TRAPPC9: variants seen among roughly 807,000 people sequenced by gnomAD.
TRAPPC9 encodes IKK2 binding protein.
Under a neutral mutation model 124.0 loss-of-function variants are expected in TRAPPC9, and 83 were observed. That is an observed-to-expected ratio of 0.67 (90% CI 0.56 to 0.80). The LOEUF (loss-of-function observed/expected upper bound fraction) is 0.80, where lower values mean the gene tolerates loss of function less well. Ranked by LOEUF, TRAPPC9 falls within the 30% of genes least tolerant of loss-of-function variation. TRAPPC9 has a pLI of 0.00. For synonymous variants in TRAPPC9, 638 were observed against 617.5 expected (o/e 1.03, Z -0.49); for missense variants, 1,302 against 1,508.3 (o/e 0.86, Z 2.27).
intron 17 of TRAPPC9, among the ~76,000 whole-genome samples, chr8:140,201,135 G>C (rs1051267071): frequency 6.6e-6 from 1 of 152,172 alleles, no homozygotes; most frequent in Non-Finnish European, 1.5e-5. Context: ...GAGGCAAGTG[G>C]ACAGCCAGGC....
At chr8:139,979,747 G>A (rs1375512502) in intron 19 of TRAPPC9, among the ~76,000 whole-genome samples, 1 of 152,122 alleles carries the variant, frequency 6.6e-6, no homozygotes, top group African/African-American at 2.4e-5. Context: ...CAAGGCTGGG[G>A]AACCAAGAGA....
At chr8:139,884,336 G>C (rs1179353876) in intron 21 of TRAPPC9, among the ~76,000 whole-genome samples, 1 of 152,120 alleles carries the variant, frequency 6.6e-6, no homozygotes, top group Non-Finnish European at 1.5e-5. Flanking sequence ...CCCAAACAAA[G>C]GCCCCCAAGC....
At chr8:140,129,838 G>A (rs2061172217) in intron 17 of TRAPPC9, among the ~76,000 whole-genome samples, 1 of 152,206 alleles carries the variant, frequency 6.6e-6, no homozygotes, top group Non-Finnish European at 1.5e-5. Context: ...TAGACGAATA[G>A]AAATGTAAAT....
intron 19 of TRAPPC9, among the ~76,000 whole-genome samples, chr8:139,934,280 CAGAGAGAG>C (rs34430255): frequency 6.7e-6 from 1 of 148,796 alleles, no homozygotes; most frequent in Admixed American, 6.7e-5. Context: ...CAAGTCCAGT[CAGAGAGAG>C]AGAGAGAGAG....
chr8:139,759,072 G>A (rs1798728763), intron 21 of TRAPPC9, among the ~76,000 whole-genome samples: 1 of 151,836 alleles, frequency 6.6e-6, no homozygotes, highest in South Asian at 2.1e-4. Flanking sequence ...CAACTGGTGA[G>A]TGGGCCGGGT....
intron 21 of TRAPPC9, among the ~76,000 whole-genome samples, chr8:139,853,410 C>T (rs930905871): frequency 6.6e-6 from 1 of 152,192 alleles, no homozygotes; most frequent in Admixed American, 6.5e-5. Context: ...ATGACTCCCC[C>T]ATCTTATTCA....
Position 140,257,361 on chromosome 8 carries a change from C to T in TRAPPC9, c.2279-4432G>A, listed in dbSNP as rs1221445909. ...GCAGCAGTGCTGGCACTGGCCTGGG[C>T]CTCTTCTGCGCTGAGCCAACCTGTC... On this transcript the variant is annotated intron_variant, in intron 15 of 22. Transcript: ENST00000438773. The surrounding 1 kb of genome is among the most constrained non-coding windows in gnomAD (Gnocchi z 4.6). Among the ~76,000 whole-genome samples the T allele has an allele frequency of 6.6e-6, 1 of 152,202 alleles. No homozygotes were observed.
At chr8:140,141,378 C>T (rs1280874243) in intron 17 of TRAPPC9, among the ~76,000 whole-genome samples, 1 of 152,210 alleles carries the variant, frequency 6.6e-6, no homozygotes, top group African/African-American at 2.4e-5. Flanking sequence ...ACTCTCGACC[C>T]ATCAGTCACT....
chr8:140,214,091 G>A lies in TRAPPC9; in HGVS notation c.2556+7368C>T, dbSNP rs1407932460. On this transcript the variant is annotated intron_variant, in intron 17 of 22. Transcript: ENST00000438773. ...GCCATGGGTACCTCTAGTGCCACAC[G>A]GCACACAGTCCAACTCAGGGAAAAG... Among the ~76,000 whole-genome samples, 4 of 152,330 alleles carry A rather than the reference G, an allele frequency of 2.6e-5. No homozygotes were observed. The East Asian group carries it at 7.7e-4, about 29-fold the overall frequency.
In TRAPPC9 at chr8:140,421,357, G is replaced by A. The variant is rs112399106; in HGVS notation, c.886+5258C>T. Among the ~76,000 whole-genome samples the A allele has an allele frequency of 8.5e-4, 130 of 152,190 alleles. 1 individual carries two copies. Among genetic ancestry groups the A allele is most frequent in the Middle Eastern group, 6.8e-3 (2 of 294 alleles). On this transcript the variant is annotated intron_variant, in intron 5 of 22. Transcript: ENST00000438773. The stretch of plus-strand genomic sequence containing the variant: ...GCCAGAATATTTTAAATTATGACAG[G>A]TAATCAATATTACATGACTTGTCAA...
chr8:140,327,244 A>G (rs1040430010), intron 9 of TRAPPC9, among the ~76,000 whole-genome samples: 2 of 151,198 alleles, frequency 1.3e-5, no homozygotes, highest in Non-Finnish European at 3.0e-5. Context: ...CAGGACATCT[A>G]AAAAAAAAGA....
intron 21 of TRAPPC9, among the ~76,000 whole-genome samples, chr8:139,735,658 G>GTT (rs112374981): frequency 6.1e-5 from 9 of 147,522 alleles, no homozygotes; most frequent in East Asian, 2.0e-4. Context: ...ACCCTGCCCT[G>GTT]TTTTTTTTTT....
intron 18 of TRAPPC9, among the ~76,000 whole-genome samples, chr8:140,000,055 C>G (rs1402020645): frequency 6.6e-6 from 1 of 152,112 alleles, no homozygotes; most frequent in African/African-American, 2.4e-5. Context: ...TGGAACAGAA[C>G]AGAGGCCTCA....
intron 21 of TRAPPC9, among the ~76,000 whole-genome samples, chr8:139,764,837 T>C (rs778391181): frequency 1.3e-5 from 2 of 152,134 alleles, no homozygotes; most frequent in Non-Finnish European, 2.9e-5. Context: ...TGCAGATGTG[T>C]TGGGGAAAGA....
At chr8:139,929,639 T>C (rs1833010817) in intron 19 of TRAPPC9, among the ~76,000 whole-genome samples, 1 of 152,272 alleles carries the variant, frequency 6.6e-6, no homozygotes. Context: ...CAGGCTTCCA[T>C]GGTCTTCCAG....
At chr8:139,990,887 A>G (rs1385963126) in intron 18 of TRAPPC9, among the ~76,000 whole-genome samples, 1 of 152,164 alleles carries the variant, frequency 6.6e-6, no homozygotes, top group Non-Finnish European at 1.5e-5. Context: ...GCACCCGGCC[A>G]CATGTCACCA....
chr8:140,403,188 G>A (rs911744086), intron 6 of TRAPPC9, among the ~76,000 whole-genome samples: 11 of 152,134 alleles, frequency 7.2e-5, no homozygotes, highest in African/African-American at 2.7e-4. Context: ...CAGAACTTTG[G>A]GAGGCCAAGG....
chr8:139,819,649 C>A (rs1825111492), intron 21 of TRAPPC9, among the ~76,000 whole-genome samples: 1 of 152,068 alleles, frequency 6.6e-6, no homozygotes, highest in South Asian at 2.1e-4. Flanking sequence ...CAAATCAAAC[C>A]CAGCAGTGCA....
chr8:140,265,812 T>C lies in TRAPPC9; in HGVS notation c.2278+9846A>G, dbSNP rs116853065. On this transcript the variant is annotated intron_variant, in intron 15 of 22. Transcript: ENST00000438773. Reference sequence around the variant, plus strand: ...TGAACTTGAGACATGTAAGAAGCCATTAATATTAGCTCCTAACTCCAGGGA... The same window carrying C: ...TGAACTTGAGACATGTAAGAAGCCACTAATATTAGCTCCTAACTCCAGGGA... 5.2e-3 allele frequency among the ~76,000 whole-genome samples: 788 copies of C among 152,324 alleles called. 6 individuals carry two copies. Among genetic ancestry groups the C allele is most frequent in the Non-Finnish European group, 7.4e-3 (503 of 68,022 alleles).
Sources: allele counts gnomAD v4.1 joint callset (sites outside exome capture counted in the v4.1 genomes callset), GRCh38; gene constraint gnomAD v4.1.1; non-coding constraint Gnocchi (gnomAD v3.1); transcripts MANE v1.5; gene names NCBI Gene and HGNC (gene_info 2026-07-23, HGNC 2026-07-21).